The following EPB41L4A variants were observed in gnomAD, a reference collection of about 807,000 sequenced individuals.
The protein encoded by EPB41L4A is erythrocyte membrane protein band 4.1 like 4A.
EPB41L4A carries 100 observed loss-of-function variants against 108.6 expected under a neutral mutation model. The observed-to-expected ratio is 0.92, with a 90% CI of 0.78 to 1.09. The LOEUF is 1.09. Ranked by LOEUF, EPB41L4A falls within the 50% of genes least tolerant of loss-of-function variation. EPB41L4A has a pLI of 0.00. For missense variants in EPB41L4A, 1,030 were observed against 842.7 expected, an observed-to-expected ratio of 1.22 and a Z score of -2.75; for synonymous variants, 319 against 289.0, an observed-to-expected ratio of 1.10 and a Z score of -1.05.
At chr5:112,198,099 T>C (rs1762048840) in intron 15 of EPB41L4A, among the ~76,000 whole-genome samples, 1 of 152,088 alleles carries the variant, frequency 6.6e-6, no homozygotes, top group Non-Finnish European at 1.5e-5. Flanking sequence ...AGTGGTGCGA[T>C]CTCAGCTCAC....
At chr5:112,280,233 T>C in intron 3 of EPB41L4A, 39 bp downstream of exon 3, 1 of 1,586,742 alleles carries the variant, frequency 6.3e-7, no homozygotes, top group South Asian at 1.1e-5. Context: ...GTCATCGTTT[T>C]CAAGCCACCC....
intron 3 of EPB41L4A, among the ~76,000 whole-genome samples, chr5:112,275,858 G>A (rs1752597393): frequency 6.6e-6 from 1 of 152,138 alleles, no homozygotes; most frequent in African/African-American, 2.4e-5. Context: ...CCCAGCCACA[G>A]GACATATACC....
intron 1 of EPB41L4A, chr5:112,392,655 C>G (rs1318030744): frequency 2.0e-5 from 3 of 151,978 alleles, no homozygotes; most frequent in Non-Finnish European, 4.4e-5. Context: ...ACTTTAACAC[C>G]CCACTGTCAA....
intron 4 of EPB41L4A, among the ~76,000 whole-genome samples, chr5:112,270,361 T>C (rs1208680972): frequency 6.6e-6 from 1 of 152,164 alleles, no homozygotes; most frequent in Non-Finnish European, 1.5e-5. Context: ...AGTGTGATCG[T>C]TACCTTCATC....
intron 12 of EPB41L4A, among the ~76,000 whole-genome samples, chr5:112,148,259 T>C (rs924403376): frequency 4.0e-5 from 6 of 149,640 alleles, no homozygotes; most frequent in Non-Finnish European, 7.4e-5. Flanking sequence ...CATAGGTTTC[T>C]TTGATATGTT....
chr5:112,273,710 G>T (rs1561531135), intron 4 of EPB41L4A, among the ~76,000 whole-genome samples: 2 of 152,116 alleles, frequency 1.3e-5, no homozygotes, highest in Non-Finnish European at 2.9e-5. Context: ...CTCACAACCT[G>T]AATATGAAGG....
intron 18 of EPB41L4A, among the ~76,000 whole-genome samples, chr5:112,182,255 T>C (rs539227315): frequency 6.6e-6 from 1 of 152,246 alleles, no homozygotes; most frequent in East Asian, 1.9e-4. Flanking sequence ...GTATGTAAAT[T>C]TCACCTCAAA....
chr5:112,322,136 A>T (rs1755822100), intron 1 of EPB41L4A, among the ~76,000 whole-genome samples: 1 of 152,238 alleles, frequency 6.6e-6, no homozygotes, highest in Non-Finnish European at 1.5e-5. Context: ...ATAACAGCTA[A>T]ATACTATTTG....
At chr5:112,191,270 G>A (rs1201388337) in intron 17 of EPB41L4A, among the ~76,000 whole-genome samples, 1 of 152,152 alleles carries the variant, frequency 6.6e-6, no homozygotes, top group Non-Finnish European at 1.5e-5. Context: ...GTAGGATGAA[G>A]CCCTACAGTT....
intron 2 of EPB41L4A, among the ~76,000 whole-genome samples, chr5:112,287,014 C>T (rs555905592): frequency 1.3e-5 from 2 of 152,320 alleles, no homozygotes; most frequent in South Asian, 4.1e-4. Flanking sequence ...TGCTTCTCCT[C>T]CCGTCTCACT....
At chr5:112,149,832 G>A (rs911483485) in intron 12 of EPB41L4A, among the ~76,000 whole-genome samples, 4 of 152,186 alleles carry the variant, frequency 2.6e-5, no homozygotes, top group Non-Finnish European at 4.4e-5. Context: ...TCTGGAGCTG[G>A]GATTTGCCTG....
chr5:112,419,922 G>T (rs61730663), upstream of EPB41L4A: 72 of 456,246 alleles, frequency 1.6e-4, no homozygotes, highest in Middle Eastern at 4.9e-3. Context: ...AGCAAAGCGG[G>T]GAGGCGGGGA....
chr5:112,376,187 T>G (rs1261632891), intron 1 of EPB41L4A, among the ~76,000 whole-genome samples: 1 of 151,948 alleles, frequency 6.6e-6, no homozygotes, highest in African/African-American at 2.4e-5. Flanking sequence ...AGCAGAAAAA[T>G]AATACATTTA....
intron 12 of EPB41L4A, among the ~76,000 whole-genome samples, chr5:112,232,429 T>C (rs1231967367): frequency 6.6e-6 from 1 of 152,190 alleles, no homozygotes; most frequent in Non-Finnish European, 1.5e-5. Flanking sequence ...ATAATAGTGA[T>C]GTGGCAAGGT....
chr5:112,374,331 C>T (rs889390264), intron 1 of EPB41L4A, among the ~76,000 whole-genome samples: 1 of 152,116 alleles, frequency 6.6e-6, no homozygotes, highest in African/African-American at 2.4e-5. Context: ...GTTTAGAATT[C>T]AGAGCCATGG....
At chr5:112,186,182 C>T (rs74764966) in intron 17 of EPB41L4A, among the ~76,000 whole-genome samples, 1 of 152,258 alleles carries the variant, frequency 6.6e-6, no homozygotes, top group African/African-American at 2.4e-5. Context: ...CGAAATTTTA[C>T]AATGTGAAAT....
At chr5:112,362,914 A>T (rs1001639097) in intron 1 of EPB41L4A, among the ~76,000 whole-genome samples, 9 of 87,578 alleles carry the variant, frequency 1.0e-4, no homozygotes, top group Middle Eastern at 6.9e-3. Flanking sequence ...TTTGATTATT[A>T]TTATTTTTTT....
At chr5:112,217,591 T>C (rs1418772312) in intron 12 of EPB41L4A, among the ~76,000 whole-genome samples, 6 of 152,158 alleles carry the variant, frequency 3.9e-5, no homozygotes, top group Admixed American at 3.3e-4. Context: ...ATCCCAGTTA[T>C]TGAGACTGAG....
chr5:112,403,832 T>C (rs1761930885), intron 1 of EPB41L4A, among the ~76,000 whole-genome samples: 2 of 152,178 alleles, frequency 1.3e-5, no homozygotes, highest in African/African-American at 4.8e-5. Context: ...AATGTACCTC[T>C]TTATGCTTGG....
Sources: allele counts gnomAD v4.1 joint callset (sites outside exome capture counted in the v4.1 genomes callset), GRCh38; gene constraint gnomAD v4.1.1; transcripts MANE v1.5; gene names NCBI Gene and HGNC (gene_info 2026-07-23, HGNC 2026-07-21).